The following SIAE variants were observed in gnomAD, a reference collection of about 807,000 sequenced individuals.
The protein encoded by SIAE is sialate O-acetylesterase.
A neutral mutation model predicts 52.6 loss-of-function variants in SIAE; 39 were observed. That is an observed-to-expected ratio of 0.74 (90% CI 0.57 to 0.97). SIAE has a LOEUF of 0.97. Among genes scored for constraint, SIAE ranks in the 50% least tolerant of loss-of-function variants. The pLI, the probability that SIAE is intolerant of heterozygous loss-of-function variation, is 0.00. For missense variants in SIAE, 592 were observed against 662.1 expected (o/e 0.89, Z 1.16); for synonymous variants, 233 against 241.4 (o/e 0.97, Z 0.32).
rs904569764 is a variant in SIAE at position 124,635,668 on chromosome 11, G to A, written c.*1283C>T. ...AAAATACATTGTATATGTACAGTGAGTGATGCTTTTTGCTTTAGTTCTCAT... is the reference window on the plus strand; with the variant it reads ...AAAATACATTGTATATGTACAGTGAATGATGCTTTTTGCTTTAGTTCTCAT... On this transcript the variant is annotated 3_prime_UTR_variant, in exon 10 of 10. Coordinates refer to ENST00000263593, the MANE Select transcript of SIAE (RefSeq NM_170601.5). The A allele has an allele frequency of 1.3e-5, 2 of 152,274 alleles. No homozygotes were observed. The highest frequency in any genetic ancestry group is 1.9e-4 in the East Asian group (1 of 5,178). 9.4% of individuals were successfully genotyped at this position (152,274 alleles called of 1,614,324 possible).
chr11:124,655,234 T>C (rs966561863), intron 3 of SIAE, among the ~76,000 whole-genome samples: 2 of 150,196 alleles, frequency 1.3e-5, no homozygotes. Flanking sequence ...TGGAGTGTAG[T>C]GGCCAATCTC....
At chr11:124,667,887 C>T (rs1226051321) in intron 2 of SIAE, among the ~76,000 whole-genome samples, 1 of 152,144 alleles carries the variant, frequency 6.6e-6, no homozygotes, top group African/African-American at 2.4e-5. Context: ...CCTTCCTGAA[C>T]ATCCCCACAG....
rs763314487 is a variant in SIAE at position 124,660,804 on chromosome 11, C to A, written c.230-1G>T. 4.3e-6 allele frequency: 7 copies of A among 1,613,934 alleles called. No homozygotes were observed. In the Admixed American group the frequency reaches 1.2e-4, roughly 27 times the overall value. ...ACCACCATCCACGTATCAGAGTGAGCTGAAATAGTAACAGGACTCCAAGGA... is the reference window on the plus strand; with the variant it reads ...ACCACCATCCACGTATCAGAGTGAGATGAAATAGTAACAGGACTCCAAGGA... On this transcript the variant is annotated splice_acceptor_variant, in intron 2 of 9. Coordinates refer to ENST00000263593, the MANE Select transcript of SIAE (RefSeq NM_170601.5). LOFTEE classifies it high-confidence loss of function.
chr11:124,647,595 C>T (rs979489381), intron 6 of SIAE, 97 bp from the exon 7 acceptor site: 77 of 1,432,806 alleles, frequency 5.4e-5, no homozygotes, highest in Non-Finnish European at 7.2e-5. Flanking sequence ...AGGTAGTGGT[C>T]TTCCCACGGT....
chr11:124,671,704 G>C (rs377489583), intron 1 of SIAE, among the ~76,000 whole-genome samples: 1 of 152,170 alleles, frequency 6.6e-6, no homozygotes, highest in Non-Finnish European at 1.5e-5. Flanking sequence ...GAGAAAGAGA[G>C]CAAGGCTGGT....
intron 4 of SIAE, among the ~76,000 whole-genome samples, chr11:124,650,444 T>C (rs879025384): frequency 4.6e-5 from 7 of 152,170 alleles, no homozygotes; most frequent in Admixed American, 1.3e-4. Context: ...GTGTATTTCT[T>C]CTTTTTTCTG....
rs894873124 is a variant in SIAE at position 124,670,916 on chromosome 11, G to C, written c.68-1395C>G. On this transcript the variant is annotated intron_variant, in intron 1 of 9. Coordinates refer to ENST00000263593, the MANE Select transcript of SIAE (RefSeq NM_170601.5). The surrounding 1 kb of genome is among the most constrained non-coding windows in gnomAD (Gnocchi z 4.5). Reference sequence around the variant, plus strand: ...AGGTTGGCAGCCTGCTGGAGGGAAGGGGGAGGCACATGTGTGGGAGGGCCT... The same window carrying C: ...AGGTTGGCAGCCTGCTGGAGGGAAGCGGGAGGCACATGTGTGGGAGGGCCT... Among the ~76,000 whole-genome samples, 2 of 152,220 alleles carry C rather than the reference G, an allele frequency of 1.3e-5. No individual in the cohort carries two copies. The highest frequency in any genetic ancestry group is 2.9e-5 in the Non-Finnish European group (2 of 68,044).
chr11:124,649,092 T>C (rs1248492156), intron 5 of SIAE, among the ~76,000 whole-genome samples: 2 of 152,240 alleles, frequency 1.3e-5, no homozygotes, highest in Non-Finnish European at 2.9e-5. Flanking sequence ...AGTATACTGA[T>C]ACATTTCTTT....
chr11:124,637,855 T>TA (rs1486634605), intron 9 of SIAE, among the ~76,000 whole-genome samples: 10 of 152,340 alleles, frequency 6.6e-5, no homozygotes, highest in African/African-American at 2.4e-4. Flanking sequence ...CCCGTGTAGT[T>TA]AAAGTTTGCC....
chr11:124,660,707 G>C lies in SIAE; in HGVS notation c.326C>G (p.Thr109Ser). The change falls in exon 3 of 10, where the codon ACC becomes AGC. Residue 109 changes from threonine to serine, a missense_variant. Coordinates refer to ENST00000263593, the MANE Select transcript of SIAE (RefSeq NM_170601.5). ...AAACAGGACGTCATGAACTCTCAGG[G>C]TGAAGTTTATTTTCTCCAAAGTCTG... ...AQQTLEKINF[T>S]LRVHDVLFGD... The C allele has an allele frequency of 6.2e-7, 1 of 1,614,184 alleles. No individual in the cohort carries two copies. The highest frequency in any genetic ancestry group is 8.5e-7 in the Non-Finnish European group (1 of 1,180,042).
At chr11:124,675,002 T>C (rs1943441159), upstream of SIAE, 1 of 281,572 alleles carries the variant, frequency 3.6e-6, no homozygotes, top group African/African-American at 2.2e-5. Context: ...AAATTATGGG[T>C]TTTTTGCAGG....
At chr11:124,639,683 C>G in intron 8 of SIAE, 27 bp downstream of exon 8, 4 of 1,613,820 alleles carry the variant, frequency 2.5e-6, no homozygotes, top group Non-Finnish European at 3.4e-6. Flanking sequence ...ATACACTGTT[C>G]ATGCAAAGCC....
At chr11:124,637,299 A>G (rs576815812) in intron 9 of SIAE, 97 bp from the exon 10 acceptor site, 2 of 1,557,608 alleles carry the variant, frequency 1.3e-6, no homozygotes, top group East Asian at 2.2e-5. Flanking sequence ...GGAGGAAAGG[A>G]GACACTCTTC....
chr11:124,644,349 G>A (rs1591385341), intron 7 of SIAE, among the ~76,000 whole-genome samples: 1 of 102,312 alleles, frequency 9.8e-6, no homozygotes, highest in Non-Finnish European at 1.7e-5. Flanking sequence ...AGAGTCTGTG[G>A]TGAGAAAAAA....
At chr11:124,637,460 T>G (rs1942768552) in intron 9 of SIAE, among the ~76,000 whole-genome samples, 1 of 152,172 alleles carries the variant, frequency 6.6e-6, no homozygotes, top group Non-Finnish European at 1.5e-5. Context: ...GGAAGCATGA[T>G]CACATAAGGC....
chr11:124,657,635 T>C (rs1161034461), intron 3 of SIAE, among the ~76,000 whole-genome samples: 1 of 152,218 alleles, frequency 6.6e-6, no homozygotes, highest in African/African-American at 2.4e-5. Flanking sequence ...ATCCAAAACA[T>C]TGACTGGAAA....
chr11:124,651,283 C>T (rs1943012184), intron 4 of SIAE, among the ~76,000 whole-genome samples: 2 of 152,162 alleles, frequency 1.3e-5, no homozygotes, highest in Non-Finnish European at 2.9e-5. Context: ...CATGGTGGCT[C>T]ATGCCTGTAA....
intron 4 of SIAE, among the ~76,000 whole-genome samples, chr11:124,650,261 C>A (rs530970050): frequency 6.6e-6 from 1 of 152,122 alleles, no homozygotes; most frequent in Non-Finnish European, 1.5e-5. Context: ...CCATCACTTA[C>A]AGGATCTGCA....
rs760092464 is a variant in SIAE at position 124,638,556 on chromosome 11, TGTC to T, written c.1303_1305del (p.Asp435del). ...GTTCTTCTCACCTCAAATATCTTGTTGTCCTTTTTCTGCACCTGGATTTGCTGG... is the reference window on the plus strand; with the variant it reads ...GTTCTTCTCACCTCAAATATCTTGTTCTTTTTCTGCACCTGGATTTGCTGG... On this transcript the variant is annotated inframe_deletion, in exon 9 of 10. Coordinates refer to ENST00000263593, the MANE Select transcript of SIAE (RefSeq NM_170601.5). The T allele has an allele frequency of 3.1e-6, 5 of 1,614,200 alleles. No individual in the cohort carries two copies. The highest frequency in any genetic ancestry group is 4.2e-6 in the Non-Finnish European group (5 of 1,180,036).
Sources: gnomAD v4.1 joint callset for allele counts (sites outside exome capture counted in the v4.1 genomes callset) on GRCh38, gnomAD v4.1.1 for gene constraint, Gnocchi (gnomAD v3.1) non-coding constraint, MANE v1.5 for transcripts, NCBI Gene and HGNC (gene_info 2026-07-23, HGNC 2026-07-21) for gene names.